Variants in CTNNA3 observed in about 807,000 individuals in gnomAD.
CTNNA3 encodes catenin alpha-3.
Under a neutral mutation model 95.7 loss-of-function variants are expected in CTNNA3, and 76 were observed. The ratio of observed to expected loss-of-function variants is 0.79; its 90% CI spans 0.66 to 0.96. The LOEUF is 0.96. CTNNA3 is among the 40% of genes least tolerant of loss of function. The probability of loss-of-function intolerance (pLI) is 0.00; values close to 1 mark genes in which losing one functional copy is unlikely to be tolerated. For missense variants in CTNNA3, 1,191 were observed against 1,089.8 expected (o/e 1.09, Z -1.31); for synonymous variants, 431 against 374.4 (o/e 1.15, Z -1.74).
At chr10:67,515,181 T>C (rs1448363221) in intron 5 of CTNNA3, among the ~76,000 whole-genome samples, 1 of 152,206 alleles carries the variant, frequency 6.6e-6, no homozygotes, top group East Asian at 1.9e-4. Flanking sequence ...AAAAAATCCA[T>C]AAGATTTTTT....
chr10:67,270,130 CAAA>C (rs201216673), intron 5 of CTNNA3, among the ~76,000 whole-genome samples: 5 of 100,596 alleles, frequency 5.0e-5, no homozygotes, highest in Admixed American at 1.0e-4. Flanking sequence ...CAGTATTTGT[CAAA>C]AAAAAAAAAA....
chr10:66,667,065 C>G (rs1846478192), intron 9 of CTNNA3, among the ~76,000 whole-genome samples: 2 of 152,068 alleles, frequency 1.3e-5, no homozygotes, highest in Admixed American at 6.5e-5. Flanking sequence ...AGTTTATAGT[C>G]AAGCACAATC....
At chr10:67,450,916 T>C (rs545569415) in intron 5 of CTNNA3, among the ~76,000 whole-genome samples, 1 of 152,060 alleles carries the variant, frequency 6.6e-6, no homozygotes, top group Non-Finnish European at 1.5e-5. Flanking sequence ...TATATATCTA[T>C]AGATGGCCTT....
chr10:66,539,927 A>C (rs1376899236), intron 10 of CTNNA3, among the ~76,000 whole-genome samples: 5 of 152,146 alleles, frequency 3.3e-5, no homozygotes, highest in Admixed American at 3.3e-4. Flanking sequence ...AAAATTACTT[A>C]GGTAAAATAC....
chr10:67,656,981 T>C (rs1210636060), intron 1 of CTNNA3, among the ~76,000 whole-genome samples: 1 of 151,898 alleles, frequency 6.6e-6, no homozygotes, highest in Admixed American at 6.5e-5. Context: ...AAAGAAAAAA[T>C]AGGGACAGCC....
chr10:67,326,237 T>G (rs1276578265), intron 5 of CTNNA3, among the ~76,000 whole-genome samples: 3 of 152,226 alleles, frequency 2.0e-5, no homozygotes, highest in African/African-American at 7.2e-5. Flanking sequence ...TCAAGGTTAG[T>G]AATGATATGT....
intron 7 of CTNNA3, among the ~76,000 whole-genome samples, chr10:66,948,357 A>C (rs572249935): frequency 6.6e-6 from 1 of 152,328 alleles, no homozygotes; most frequent in South Asian, 2.1e-4. Flanking sequence ...AATGGACAGA[A>C]TGGGGAGAAT....
intron 9 of CTNNA3, among the ~76,000 whole-genome samples, chr10:66,689,010 C>T (rs1046857978): frequency 2.6e-5 from 4 of 151,714 alleles, no homozygotes; most frequent in Non-Finnish European, 4.4e-5. Flanking sequence ...ATTTTAATAC[C>T]CCCAAATACC....
chr10:66,849,255 A>G (rs1191664472), intron 7 of CTNNA3, among the ~76,000 whole-genome samples: 1 of 152,198 alleles, frequency 6.6e-6, no homozygotes, highest in Non-Finnish European at 1.5e-5. Context: ...CCAGTAACTG[A>G]GAAATAATCA....
chr10:66,758,955 C>T (rs775621844), intron 9 of CTNNA3, among the ~76,000 whole-genome samples: 29 of 151,950 alleles, frequency 1.9e-4, no homozygotes, highest in South Asian at 2.1e-4. Context: ...AACAAACAAA[C>T]GACAACAAAA....
At chr10:66,937,047 G>A (rs1847746786) in intron 7 of CTNNA3, among the ~76,000 whole-genome samples, 1 of 152,100 alleles carries the variant, frequency 6.6e-6, no homozygotes, top group African/African-American at 2.4e-5. Context: ...AGCCAAGGCA[G>A]GGTAAATAAT....
At chr10:66,893,804 C>A (rs902202633) in intron 7 of CTNNA3, among the ~76,000 whole-genome samples, 7 of 152,098 alleles carry the variant, frequency 4.6e-5, no homozygotes, top group Admixed American at 4.6e-4. Context: ...GTGGATACTA[C>A]CTAAAAGAAC....
chr10:66,453,178 C>T (rs1201092839), intron 11 of CTNNA3, among the ~76,000 whole-genome samples: 3 of 151,420 alleles, frequency 2.0e-5, no homozygotes, highest in Non-Finnish European at 4.4e-5. Context: ...GATCGTGCCA[C>T]TGTACTGCAG....
chr10:66,687,061 CA>C (rs1376753819), intron 9 of CTNNA3, among the ~76,000 whole-genome samples: 11 of 151,770 alleles, frequency 7.2e-5, no homozygotes, highest in Admixed American at 2.6e-4. Context: ...AATAGGTTCC[CA>C]ATAAATATGT....
chr10:67,267,722 T>C (rs886964196), intron 5 of CTNNA3, among the ~76,000 whole-genome samples: 4 of 152,164 alleles, frequency 2.6e-5, no homozygotes, highest in Admixed American at 6.6e-5. Flanking sequence ...AATATGAATA[T>C]AAATACTAGA....
intron 12 of CTNNA3, among the ~76,000 whole-genome samples, chr10:66,282,189 G>A (rs150602689): frequency 1.2e-3 from 187 of 151,744 alleles, no homozygotes; most frequent in African/African-American, 4.2e-3. Context: ...TTCAGCGGAC[G>A]GAATAATAAA....
intron 7 of CTNNA3, among the ~76,000 whole-genome samples, chr10:67,093,096 G>GT (rs1857753490): frequency 6.6e-6 from 1 of 151,940 alleles, no homozygotes; most frequent in Non-Finnish European, 1.5e-5. Flanking sequence ...ATAAACAGGA[G>GT]TTTAGCAGGG....
chr10:67,424,268 G>C (rs1845839613), intron 5 of CTNNA3, among the ~76,000 whole-genome samples: 1 of 152,070 alleles, frequency 6.6e-6, no homozygotes. Context: ...GATTTTAAAA[G>C]ATAATAAAAT....
At chr10:66,500,006 T>C (rs545528123) in intron 11 of CTNNA3, among the ~76,000 whole-genome samples, 13 of 152,116 alleles carry the variant, frequency 8.5e-5, no homozygotes, top group Admixed American at 4.6e-4. Flanking sequence ...TTTCACCATG[T>C]TGGCCAGGCT....
Sources: gnomAD v4.1 joint callset for allele counts (sites outside exome capture counted in the v4.1 genomes callset) on GRCh38, gnomAD v4.1.1 for gene constraint, MANE v1.5 for transcripts, NCBI Gene and HGNC (gene_info 2026-07-23, HGNC 2026-07-21) for gene names.